Variants in NRAP observed in about 807,000 individuals in gnomAD.
The protein encoded by NRAP is nebulin-related-anchoring protein.
A neutral mutation model predicts 225.9 loss-of-function variants in NRAP; 189 were observed. The ratio of observed to expected loss-of-function variants is 0.84; its 90% CI spans 0.74 to 0.94. NRAP has a LOEUF of 0.94. NRAP is among the 40% of genes least tolerant of loss of function. The pLI is 0.00. For missense variants in NRAP, 2,176 were observed against 2,168.7 expected (o/e 1.00, Z -0.07); for synonymous variants, 769 against 790.7 (o/e 0.97, Z 0.46).
rs1224922115 is a variant in NRAP, at chr10:113,604,863, C to T, written c.3973G>A (p.Val1325Ile). 3.7e-6 allele frequency: 6 copies of T among 1,614,162 alleles called. No individual in the cohort carries two copies. The highest frequency in any genetic ancestry group is 5.1e-6 in the Non-Finnish European group (6 of 1,180,010). The change falls in exon 35 of 42, where the codon GTA becomes ATA. Residue 1325 changes from valine (V) to isoleucine (I), a missense_variant. Physicochemically the swap from Val to Ile is conservative, Grantham distance 29. Transcript: ENST00000359988. ...ERGKLIGPQS[V>I]RDDPRIQHCR... is the part of the protein sequence containing the mutation. ...TGCTGGATCCGGGGGTCGTCTCTTACACTCTGGGGCCCTATGAGTTTCCCT... is the reference window on the plus strand; with the variant it reads ...TGCTGGATCCGGGGGTCGTCTCTTATACTCTGGGGCCCTATGAGTTTCCCT...
At chr10:113,601,537 T>C (rs1290898914) in intron 35 of NRAP, among the ~76,000 whole-genome samples, 1 of 152,250 alleles carries the variant, frequency 6.6e-6, no homozygotes, top group Non-Finnish European at 1.5e-5. Flanking sequence ...CAGCATAATA[T>C]GGTCATTTAA....
rs116826032 is a variant in NRAP at position 113,659,352 on chromosome 10, G to C, written c.256-1778C>G. On this transcript the variant is annotated intron_variant, in intron 3 of 41. Transcript: ENST00000359988. Reference sequence around the variant, plus strand: ...CAACACCAGTCACGACAATCAATATGTCCCAGACATTAACAAATGTCCCCC... The same window carrying C: ...CAACACCAGTCACGACAATCAATATCTCCCAGACATTAACAAATGTCCCCC... 1.4e-3 allele frequency among the ~76,000 whole-genome samples: 218 copies of C among 152,284 alleles called. 1 individual carries two copies. The highest frequency in any genetic ancestry group is 5.1e-3 in the African/African-American group (212 of 41,564).
chr10:113,656,278 C>G (rs1183577950), intron 4 of NRAP, among the ~76,000 whole-genome samples: 1 of 152,144 alleles, frequency 6.6e-6, no homozygotes, highest in Admixed American at 6.6e-5. Flanking sequence ...AATCAATTGC[C>G]AATCAGAAAA....
intron 21 of NRAP, among the ~76,000 whole-genome samples, chr10:113,625,839 C>T (rs1433240870): frequency 6.6e-6 from 1 of 152,140 alleles, no homozygotes; most frequent in African/African-American, 2.4e-5. Flanking sequence ...CTAATAAAAT[C>T]GGGGGAGATG....
chr10:113,632,380 C>T (rs1848626646), intron 16 of NRAP, among the ~76,000 whole-genome samples: 1 of 152,218 alleles, frequency 6.6e-6, no homozygotes, highest in Admixed American at 6.5e-5. Context: ...ATTGACATTG[C>T]CCTGGCAATA....
intron 40 of NRAP, 61 bp downstream of exon 40, chr10:113,590,517 C>T: frequency 6.6e-7 from 1 of 1,521,568 alleles, no homozygotes; most frequent in South Asian, 1.2e-5. Context: ...GGCATTATGG[C>T]CATCTCTTAG....
chr10:113,627,893 C>A (rs558350925), intron 20 of NRAP, among the ~76,000 whole-genome samples: 1 of 152,166 alleles, frequency 6.6e-6, no homozygotes, highest in Non-Finnish European at 1.5e-5. Context: ...ATATAATACG[C>A]CCAAAGTGAT....
chr10:113,597,145 TG>T lies in NRAP; in HGVS notation c.4371del (p.Thr1458GlnfsTer36), dbSNP rs760927766. On this transcript the variant is annotated frameshift_variant, in exon 37 of 42. Transcript: ENST00000359988. LOFTEE classifies it high-confidence loss of function. ...YRKKPDSIKF[T>X]TVVDSPDLVH... ...ACCAGGTCTGGGGAGTCAACCACTG[TG>T]GTGAACTTGATACTGTCTGGTTTTT... 1.3e-4 allele frequency: 214 copies of T among 1,613,674 alleles called. No individual in the cohort carries two copies. Among genetic ancestry groups the T allele is most frequent in the Non-Finnish European group, 1.4e-5 (16 of 1,179,548 alleles).
In NRAP at chr10:113,631,604, A is replaced by C; in HGVS notation, c.1747T>G (p.Tyr583Asp). 1 of 1,599,872 alleles carries C rather than the reference A, an allele frequency of 6.3e-7. No homozygotes were observed. Among genetic ancestry groups the C allele is most frequent in the Non-Finnish European group, 8.6e-7 (1 of 1,167,956 alleles). The change falls in exon 18 of 42, where the codon TAT becomes GAT. Residue 583 changes from tyrosine to aspartate, a missense_variant. Physicochemically the swap from Tyr to Asp is radical, Grantham distance 160. Transcript: ENST00000359988. ...ASGELASNIK[Y>D]KEEYEKTKGK... is the part of the protein sequence containing the mutation. ...TTTGTCTTTTCATATTCTTCTTTAT[A>C]TTTAATCTTGAGAGAAAGAAGAAGG...
chr10:113,589,609 G>C, intron 41 of NRAP, 57 bp downstream of exon 41: 1 of 1,550,426 alleles, frequency 6.4e-7, no homozygotes, highest in South Asian at 1.2e-5. Flanking sequence ...GAAACAATGA[G>C]TTTGTCTTTC....
chr10:113,615,634 C>A, intron 27 of NRAP, 78 bp downstream of exon 27: 2 of 791,076 alleles, frequency 2.5e-6, no homozygotes, highest in Non-Finnish European at 2.3e-6. Context: ...GGCTTCTGAG[C>A]ACAGGGCATT....
In NRAP at chr10:113,642,992, T is replaced by A; in HGVS notation, c.1157A>T (p.Asn386Ile). ...CCTGAATTGAGGTGTTTCACAGTAGTTGATACTGTGACCTCTACTACTTTC... is the reference window on the plus strand; with the variant it reads ...CCTGAATTGAGGTGTTTCACAGTAGATGATACTGTGACCTCTACTACTTTC... ...DLESSRGHSI[N>I]YCETPQFRNV... The change falls in exon 12 of 42, where the codon AAC becomes ATC. Residue 386 changes from asparagine to isoleucine, a missense_variant. Transcript: ENST00000359988. 9 of 1,604,218 alleles carry A rather than the reference T, an allele frequency of 5.6e-6. No homozygotes were observed. Among genetic ancestry groups the A allele is most frequent in the Non-Finnish European group, 7.7e-6 (9 of 1,170,870 alleles).
rs948698223 is a variant in NRAP at position 113,650,210 on chromosome 10, G to A, written c.784-69C>T. The A allele has an allele frequency of 2.2e-5, 22 of 1,003,214 alleles. No individual in the cohort carries two copies. In the Admixed American group the frequency reaches 3.7e-4, roughly 17 times the overall value. The allele number at this position is 1,003,214 out of a possible 1,614,324, so 62.1% of individuals were successfully genotyped here. On this transcript the variant is annotated intron_variant, in intron 8 of 41. Coordinates refer to ENST00000359988, the MANE Select transcript of NRAP (RefSeq NM_198060.4). The stretch of plus-strand genomic sequence containing the variant: ...GCACAGGAGCCAAAAGAGTAAAAGT[G>A]AATGTCTTAATGGAATGTTCTTTTT...
chr10:113,626,820 C>T (rs1423681117), intron 20 of NRAP, among the ~76,000 whole-genome samples: 1 of 152,192 alleles, frequency 6.6e-6, no homozygotes, highest in Non-Finnish European at 1.5e-5. Flanking sequence ...GTCTTGTCCT[C>T]CTAGTGTCCC....
intron 26 of NRAP, among the ~76,000 whole-genome samples, chr10:113,616,665 G>C (rs972754598): frequency 6.6e-6 from 1 of 152,162 alleles, no homozygotes; most frequent in Non-Finnish European, 1.5e-5. Flanking sequence ...AGCGCAACCA[G>C]AATCATTTGC....
At chr10:113,612,586 A>C (rs1847399430) in intron 29 of NRAP, among the ~76,000 whole-genome samples, 155 bp from the exon 30 acceptor site, 1 of 152,040 alleles carries the variant, frequency 6.6e-6, no homozygotes, top group Non-Finnish European at 1.5e-5. Context: ...CTGGCCTAAT[A>C]ACCAGGGCTT....
chr10:113,639,461 G>A (rs1849073215), intron 14 of NRAP, among the ~76,000 whole-genome samples: 1 of 152,200 alleles, frequency 6.6e-6, no homozygotes, highest in East Asian at 1.9e-4. Context: ...GAAAGCAAAG[G>A]AAAGTAGCAC....
At chr10:113,662,491 T>G (rs1166014966) in intron 3 of NRAP, among the ~76,000 whole-genome samples, 188 bp downstream of exon 3, 1 of 152,234 alleles carries the variant, frequency 6.6e-6, no homozygotes, top group Non-Finnish European at 1.5e-5. Flanking sequence ...TCTCACTATG[T>G]TGCCCAGGCT....
rs750534823 is a variant in NRAP at position 113,633,194 on chromosome 10, G to A, written c.1528-6C>T. Reference sequence around the variant, plus strand: ...TAGTCAGCACGGTAATTCACCTGTTGGATTTAAAATAAATCTGTAGGGTTT... The same window carrying A: ...TAGTCAGCACGGTAATTCACCTGTTAGATTTAAAATAAATCTGTAGGGTTT... On this transcript the variant is annotated splice_polypyrimidine_tract_variant and splice_region_variant and intron_variant, in intron 15 of 41. Coordinates refer to ENST00000359988, the MANE Select transcript of NRAP (RefSeq NM_198060.4). 1.4e-5 allele frequency: 21 copies of A among 1,495,430 alleles called. No individual in the cohort carries two copies. Among genetic ancestry groups the A allele is most frequent in the Non-Finnish European group, 2.0e-5 (21 of 1,072,046 alleles). The allele number at this position is 1,495,430 out of a possible 1,614,324, so 92.6% of individuals were successfully genotyped here.
Sources: allele counts gnomAD v4.1 joint callset (sites outside exome capture counted in the v4.1 genomes callset), GRCh38; gene constraint gnomAD v4.1.1; transcripts MANE v1.5; gene names NCBI Gene and HGNC (gene_info 2026-07-23, HGNC 2026-07-21).